HPCAL1: variants seen among roughly 807,000 people sequenced by gnomAD.
HPCAL1 encodes the protein hippocalcin like 1.
HPCAL1 carries 8 observed loss-of-function variants against 17.1 expected under a neutral mutation model. That is an observed-to-expected ratio of 0.47 (90% CI 0.27 to 0.84). HPCAL1 has a LOEUF of 0.84. Among genes scored for constraint, HPCAL1 ranks in the 40% least tolerant of loss-of-function variants. The probability of loss-of-function intolerance (pLI) is 0.13; values close to 1 mark genes in which losing one functional copy is unlikely to be tolerated. For synonymous variants in HPCAL1, 112 were observed against 111.4 expected (o/e 1.01, Z -0.03); for missense variants, 165 against 271.1 (o/e 0.61, Z 2.75).
At chr2:10,371,548 G>C (rs1362195873) in intron 1 of HPCAL1, among the ~76,000 whole-genome samples, 2 of 152,136 alleles carry the variant, frequency 1.3e-5, no homozygotes, top group Non-Finnish European at 2.9e-5. Context: ...TTGCAGTGAG[G>C]GGTCAGTCAG....
chr2:10,396,240 G>A (rs1669018484), intron 1 of HPCAL1, among the ~76,000 whole-genome samples: 1 of 152,252 alleles, frequency 6.6e-6, no homozygotes, highest in African/African-American at 2.4e-5. Flanking sequence ...CTGGGCCCAG[G>A]AGGCATGCTG....
rs34916252 is a variant in HPCAL1, at chr2:10,393,959, G to GAAA, written c.-110-2861_-110-2859dup. Among the ~76,000 whole-genome samples, 411 of 129,792 alleles carry GAAA rather than the reference G, an allele frequency of 3.2e-3. 3 individuals carry two copies. Among genetic ancestry groups the GAAA allele is most frequent in the African/African-American group, 0.011 (372 of 34,496 alleles). The allele number at this position is 129,792 out of a possible 152,430, so 85.1% of individuals were successfully genotyped here. Reference sequence around the variant, plus strand: ...GTGAGATCTCATCTCTACTAAAAATGAAAAAAAAAAAAAAAAAGATTGGGG... The same window carrying GAAA: ...GTGAGATCTCATCTCTACTAAAAATGAAAAAAAAAAAAAAAAAAAAGATTGGGG... On this transcript the variant is annotated intron_variant, in intron 1 of 4. Coordinates refer to ENST00000307845, the MANE Select transcript of HPCAL1 (RefSeq NM_002149.4).
chr2:10,358,917 T>C (rs1337848160), intron 1 of HPCAL1, among the ~76,000 whole-genome samples: 1 of 152,176 alleles, frequency 6.6e-6, no homozygotes, highest in East Asian at 1.9e-4. Context: ...TGCCTACGGA[T>C]GGCAAACTAA....
Position 10,419,594 on chromosome 2 carries a change from CATGCCTTCCG to C in HPCAL1, c.-24-136_-24-127del. ...TTCTTGGTGGTCCATAAGATAGCGGCATGCCTTCCGATGGGGGACCCGGGAGTTGCTGAGT... is the reference window on the plus strand; with the variant it reads ...TTCTTGGTGGTCCATAAGATAGCGGCATGGGGGACCCGGGAGTTGCTGAGT... On this transcript the variant is annotated intron_variant, in intron 2 of 4. Coordinates refer to ENST00000307845, the MANE Select transcript of HPCAL1 (RefSeq NM_002149.4). The surrounding 1 kb of genome is among the most constrained non-coding windows in gnomAD (Gnocchi z 5.0). 1.4e-6 allele frequency: 1 copy of C among 706,654 alleles called. No homozygotes were observed. Among genetic ancestry groups the C allele is most frequent in the East Asian group, 2.7e-5 (1 of 36,556 alleles). 43.8% of individuals were successfully genotyped at this position (706,654 alleles called of 1,614,324 possible).
intron 1 of HPCAL1, among the ~76,000 whole-genome samples, chr2:10,371,429 G>A (rs1209114881): frequency 2.0e-5 from 3 of 150,924 alleles, no homozygotes; most frequent in Non-Finnish European, 4.4e-5. Context: ...AGGGGGTGGG[G>A]TGGGGTGGGG....
chr2:10,316,191 T>G (rs532623349), intron 1 of HPCAL1, among the ~76,000 whole-genome samples: 3 of 152,366 alleles, frequency 2.0e-5, no homozygotes, highest in Non-Finnish European at 4.4e-5. Context: ...GGTATTTTAA[T>G]GAAGTGGTTT....
chr2:10,361,015 G>C (rs1199897600), intron 1 of HPCAL1, among the ~76,000 whole-genome samples: 1 of 149,404 alleles, frequency 6.7e-6, no homozygotes, highest in Non-Finnish European at 1.5e-5. Context: ...CTGCGGGCTG[G>C]GATCTGTGGG....
At chr2:10,422,896 T>G in intron 3 of HPCAL1, 87 bp from the exon 4 acceptor site, 3 of 894,140 alleles carry the variant, frequency 3.4e-6, no homozygotes, top group Non-Finnish European at 5.4e-6. Context: ...CTCCGAGCCT[T>G]GTTGTGGGCT....
intron 1 of HPCAL1, among the ~76,000 whole-genome samples, chr2:10,312,066 C>T (rs944982850): frequency 1.3e-5 from 2 of 151,208 alleles, no homozygotes; most frequent in African/African-American, 4.9e-5. Context: ...ACTATCATCC[C>T]CACCATCACC....
chr2:10,357,933 G>C (rs528641109), intron 1 of HPCAL1, among the ~76,000 whole-genome samples: 2 of 152,144 alleles, frequency 1.3e-5, no homozygotes, highest in Non-Finnish European at 2.9e-5. Flanking sequence ...CTTTTACCCA[G>C]GGATCCCCTG....
chr2:10,315,522 C>T (rs1663261226), intron 1 of HPCAL1, among the ~76,000 whole-genome samples: 1 of 152,168 alleles, frequency 6.6e-6, no homozygotes, highest in Admixed American at 6.5e-5. Context: ...GGAGGAACTC[C>T]AAATACCCAT....
intron 1 of HPCAL1, among the ~76,000 whole-genome samples, chr2:10,372,679 G>A (rs991878873): frequency 6.6e-6 from 1 of 152,210 alleles, no homozygotes; most frequent in African/African-American, 2.4e-5. Flanking sequence ...CCGGAGGGTG[G>A]CGTGGGTCCC....
In HPCAL1 at chr2:10,360,648, GGT is replaced by G. The variant is rs538004859; in HGVS notation, c.-110-36185_-110-36184del. 3.9e-5 allele frequency among the ~76,000 whole-genome samples: 6 copies of G among 152,266 alleles called. No individual in the cohort carries two copies. In the South Asian group the frequency reaches 1.2e-3, roughly 32 times the overall value. On this transcript the variant is annotated intron_variant, in intron 1 of 4. Transcript: ENST00000307845. ...GGCTGGTCTGAAACTCCTGACCTCGGGTGATCCGCCCACCTGGGCCTCCCAAA... is the reference window on the plus strand; with the variant it reads ...GGCTGGTCTGAAACTCCTGACCTCGGGATCCGCCCACCTGGGCCTCCCAAA...
In HPCAL1 at chr2:10,303,150, C is replaced by G. The variant is rs886908092; in HGVS notation, c.-138C>G. ...GGCGCCGAACTTGGGCTCGGGAAGC[C>G]GGCGGACCGCGTCCTGCGCCGGAGC... is the stretch of plus-strand genomic sequence containing the variant. On this transcript the variant is annotated 5_prime_UTR_variant, in exon 1 of 5. Transcript: ENST00000307845. 6.6e-6 allele frequency: 1 copy of G among 151,878 alleles called. No individual in the cohort carries two copies. The highest frequency in any genetic ancestry group is 1.5e-5 in the Non-Finnish European group (1 of 67,934). The allele number at this position is 151,878 out of a possible 1,614,324, so 9.4% of individuals were successfully genotyped here.
chr2:10,338,117 G>A (rs1247286403), intron 1 of HPCAL1, among the ~76,000 whole-genome samples: 1 of 152,128 alleles, frequency 6.6e-6, no homozygotes, highest in Non-Finnish European at 1.5e-5. Context: ...GTGTACATGA[G>A]CGGTGCAGAA....
rs900470380 is a variant in HPCAL1, at chr2:10,331,349, G to A, written c.-111+28172G>A. Among the ~76,000 whole-genome samples, 2 of 152,050 alleles carry A rather than the reference G, an allele frequency of 1.3e-5. No homozygotes were observed. Among genetic ancestry groups the A allele is most frequent in the African/African-American group, 2.4e-5 (1 of 41,384 alleles). ...TTCCTCACCTCGCCACCTACGCATC[G>A]TCACCCCTCCTCCTGCGTTTCCTCC... On this transcript the variant is annotated intron_variant, in intron 1 of 4. Coordinates refer to ENST00000307845, the MANE Select transcript of HPCAL1 (RefSeq NM_002149.4). The surrounding 1 kb of genome is among the most constrained non-coding windows in gnomAD (Gnocchi z 5.0).
chr2:10,386,775 C>T (rs1429163527), intron 1 of HPCAL1, among the ~76,000 whole-genome samples: 1 of 152,172 alleles, frequency 6.6e-6, no homozygotes, highest in Non-Finnish European at 1.5e-5. Context: ...CCCCACCAGC[C>T]CCGCTGCCTG....
chr2:10,396,644 A>C (rs1040343879), intron 1 of HPCAL1, among the ~76,000 whole-genome samples, 191 bp from the exon 2 acceptor site: 2 of 152,234 alleles, frequency 1.3e-5, no homozygotes, highest in Non-Finnish European at 2.9e-5. Context: ...GCTGGGGTGC[A>C]GCGGCCTTGG....
chr2:10,399,208 G>GCACCACCACCACCACCACCACCAC (rs113515977), intron 2 of HPCAL1, among the ~76,000 whole-genome samples: 1 of 5,106 alleles, frequency 2.0e-4, no homozygotes, highest in African/African-American at 6.5e-4. Flanking sequence ...TAATATCACT[G>GCACCACCACCACCACCACCACCAC]CACCACCACC....
Sources: allele counts gnomAD v4.1 joint callset (sites outside exome capture counted in the v4.1 genomes callset), GRCh38; gene constraint gnomAD v4.1.1; non-coding constraint Gnocchi (gnomAD v3.1); transcripts MANE v1.5; gene names NCBI Gene and HGNC (gene_info 2026-07-23, HGNC 2026-07-21).